PCSK5: variants seen among roughly 807,000 people sequenced by gnomAD.
PCSK5 encodes the protein proprotein convertase subtilisin/kexin type 5.
PCSK5 carries 129 observed loss-of-function variants against 233.2 expected under a neutral mutation model. The observed-to-expected ratio is 0.55, with a 90% CI of 0.48 to 0.64. The LOEUF is 0.64. PCSK5 is among the 30% of genes least tolerant of loss of function. The pLI is 0.00. For synonymous variants in PCSK5, 825 were observed against 879.2 expected (o/e 0.94, Z 1.09); for missense variants, 2,076 against 2,430.1 (o/e 0.85, Z 3.06).
At chr9:76,180,945 T>G (rs1823843501) in intron 15 of PCSK5, among the ~76,000 whole-genome samples, 1 of 151,992 alleles carries the variant, frequency 6.6e-6, no homozygotes, top group South Asian at 2.1e-4. Context: ...TTAAATATAT[T>G]TATATTAATT....
At chr9:75,911,980 G>T (rs968600175) in intron 1 of PCSK5, among the ~76,000 whole-genome samples, 1 of 152,060 alleles carries the variant, frequency 6.6e-6, no homozygotes, top group African/African-American at 2.4e-5. Context: ...ATTTGTGGTC[G>T]TATTTTGCAG....
At chr9:75,914,090 T>C (rs141357660) in intron 1 of PCSK5, among the ~76,000 whole-genome samples, 1 of 152,320 alleles carries the variant, frequency 6.6e-6, no homozygotes, top group East Asian at 1.9e-4. Flanking sequence ...GTGCAAAATG[T>C]TATCTACAAA....
At chr9:76,244,280 A>G (rs746622057) in intron 24 of PCSK5, among the ~76,000 whole-genome samples, 1 of 152,218 alleles carries the variant, frequency 6.6e-6, no homozygotes, top group African/African-American at 2.4e-5. Context: ...TATTAGAACT[A>G]TAAGGAAGCT....
At chr9:75,955,228 C>T (rs1380811474) in intron 2 of PCSK5, among the ~76,000 whole-genome samples, 2 of 152,120 alleles carry the variant, frequency 1.3e-5, no homozygotes, top group East Asian at 1.9e-4. Flanking sequence ...ATGCTGTTTT[C>T]ACTATGCCGG....
chr9:75,996,544 A>G (rs1368299527), intron 3 of PCSK5, among the ~76,000 whole-genome samples: 1 of 152,190 alleles, frequency 6.6e-6, no homozygotes, highest in Non-Finnish European at 1.5e-5. Flanking sequence ...AAGTGGCTAT[A>G]TTAAGAATGT....
At chr9:76,348,756 A>G (rs1027424420) in intron 35 of PCSK5, among the ~76,000 whole-genome samples, 22 of 152,242 alleles carry the variant, frequency 1.4e-4, no homozygotes, top group African/African-American at 5.3e-4. Flanking sequence ...TTCCTGTCTA[A>G]CTAGAACTTT....
intron 2 of PCSK5, among the ~76,000 whole-genome samples, chr9:75,983,553 A>G (rs977778325): frequency 6.6e-6 from 1 of 152,206 alleles, no homozygotes; most frequent in African/African-American, 2.4e-5. Context: ...CATGTAGCAC[A>G]TGTATGTTTA....
chr9:76,011,086 AGATTCTT>A (rs1827712222), intron 3 of PCSK5, among the ~76,000 whole-genome samples: 1 of 152,230 alleles, frequency 6.6e-6, no homozygotes. Flanking sequence ...TTGCTTGGTT[AGATTCTT>A]GAAAGGATTC....
intron 27 of PCSK5, 86 bp from the exon 28 acceptor site, chr9:76,302,051 G>C (rs911091706): frequency 2.5e-5 from 13 of 511,314 alleles, no homozygotes; most frequent in African/African-American, 6.1e-5. Context: ...AGACATTTCT[G>C]GGTGGTGGGT....
intron 2 of PCSK5, among the ~76,000 whole-genome samples, chr9:75,961,215 C>G (rs1825339102): frequency 6.6e-6 from 1 of 152,188 alleles, no homozygotes; most frequent in Non-Finnish European, 1.5e-5. Context: ...ACTGGTGGCC[C>G]AGCCCCTGGG....
intron 2 of PCSK5, among the ~76,000 whole-genome samples, chr9:75,972,289 G>T (rs1419881814): frequency 6.6e-6 from 1 of 152,182 alleles, no homozygotes; most frequent in Non-Finnish European, 1.5e-5. Flanking sequence ...TAGCCTTGTA[G>T]TATAGTTTGA....
chr9:76,283,915 T>C (rs1827964689), intron 24 of PCSK5, among the ~76,000 whole-genome samples: 1 of 152,238 alleles, frequency 6.6e-6, no homozygotes, highest in African/African-American at 2.4e-5. Flanking sequence ...AAAGAAGGGC[T>C]GGAAGCCAAG....
chr9:75,996,159 G>A (rs1008424779), intron 3 of PCSK5, among the ~76,000 whole-genome samples: 2 of 152,114 alleles, frequency 1.3e-5, no homozygotes, highest in South Asian at 2.1e-4. Context: ...AAGCAAACTC[G>A]TATCTCAGGT....
intron 13 of PCSK5, among the ~76,000 whole-genome samples, chr9:76,174,553 A>G (rs1823487929): frequency 6.6e-6 from 1 of 151,806 alleles, no homozygotes; most frequent in Non-Finnish European, 1.5e-5. Flanking sequence ...CTCGTGATCC[A>G]CCAGTCTCAG....
intron 10 of PCSK5, among the ~76,000 whole-genome samples, chr9:76,143,895 G>A (rs180891201): frequency 9.1e-4 from 138 of 152,060 alleles, no homozygotes; most frequent in Middle Eastern, 3.4e-3. Flanking sequence ...CTTTTCGTTG[G>A]TTGTTATTGC....
chr9:76,248,869 T>C (rs1236114666), intron 24 of PCSK5, among the ~76,000 whole-genome samples: 1 of 152,170 alleles, frequency 6.6e-6, no homozygotes, highest in African/African-American at 2.4e-5. Flanking sequence ...TGAGCTCAAG[T>C]GATCCTCCCC....
chr9:76,090,415 C>T (rs1388537560), intron 7 of PCSK5, among the ~76,000 whole-genome samples: 1 of 152,126 alleles, frequency 6.6e-6, no homozygotes, highest in Admixed American at 6.5e-5. Flanking sequence ...CCCCATAGAT[C>T]TTTAGCAGCT....
chr9:76,231,420 C>T (rs917273508), intron 21 of PCSK5, among the ~76,000 whole-genome samples: 2 of 152,104 alleles, frequency 1.3e-5, no homozygotes, highest in Non-Finnish European at 2.9e-5. Flanking sequence ...CCAAAAAGGC[C>T]GGGGACCACT....
chr9:75,891,080 C>G lies in PCSK5; in HGVS notation c.-102C>G, dbSNP rs543006029. The stretch of plus-strand genomic sequence containing the variant: ...CCCGGGGCTGCGAGCTGCGGCGGCC[C>G]GGGGCTGCTCGCCGGGCGGCGCAGG... On this transcript the variant is annotated 5_prime_UTR_variant, in exon 1 of 38. Transcript: ENST00000674117. The G allele has an allele frequency of 8.8e-7, 1 of 1,136,228 alleles. No individual in the cohort carries two copies. Among genetic ancestry groups the G allele is most frequent in the Non-Finnish European group, 1.2e-6 (1 of 869,178 alleles). The allele number at this position is 1,136,228 out of a possible 1,614,324, so 70.4% of individuals were successfully genotyped here.
Sources: allele counts gnomAD v4.1 joint callset (sites outside exome capture counted in the v4.1 genomes callset), GRCh38; gene constraint gnomAD v4.1.1; transcripts MANE v1.5; gene names NCBI Gene and HGNC (gene_info 2026-07-23, HGNC 2026-07-21).